Variants in CHRNA7 observed in about 807,000 individuals in gnomAD.
The protein encoded by CHRNA7 is cholinergic receptor nicotinic alpha 7 subunit, also known as neuronal acetylcholine receptor subunit alpha-7.
In CHRNA7, 17 loss-of-function variants were observed where a neutral mutation model predicts 48.0. The ratio of observed to expected loss-of-function variants is 0.35; its 90% CI spans 0.24 to 0.53. CHRNA7 has a LOEUF of 0.53. CHRNA7 is among the 20% of genes least tolerant of loss of function. CHRNA7 has a pLI of 0.92. For synonymous variants in CHRNA7, 75 were observed against 242.3 expected, an observed-to-expected ratio of 0.31 and a Z score of 6.41; for missense variants, 155 against 577.7, an observed-to-expected ratio of 0.27 and a Z score of 7.50.
At chr15:32,118,293 C>G (rs1246640533) in intron 4 of CHRNA7, among the ~76,000 whole-genome samples, 1 of 152,194 alleles carries the variant, frequency 6.6e-6, no homozygotes, top group Admixed American at 6.5e-5. Context: ...GAAATGAATT[C>G]TTTTCTTTAT....
intron 9 of CHRNA7, chr15:32,163,679 C>A (rs2051974447): frequency 1.4e-5 from 1 of 71,938 alleles, no homozygotes; most frequent in Admixed American, 1.2e-4. Flanking sequence ...ATGTCGAACT[C>A]CTGACCTCGT....
chr15:32,108,204 T>C (rs1044953271), intron 3 of CHRNA7, among the ~76,000 whole-genome samples: 11 of 152,082 alleles, frequency 7.2e-5, no homozygotes, highest in Admixed American at 1.3e-4. Flanking sequence ...CATGGAAGAA[T>C]TGGGATTCCC....
chr15:32,031,353 A>G (rs1901830739), intron 2 of CHRNA7, among the ~76,000 whole-genome samples: 4 of 152,238 alleles, frequency 2.6e-5, no homozygotes, highest in Admixed American at 2.6e-4. Context: ...CAGTAGCAAG[A>G]ACAGGTGAAG....
At chr15:32,078,350 C>A (rs187180880) in intron 2 of CHRNA7, among the ~76,000 whole-genome samples, 2 of 152,040 alleles carry the variant, frequency 1.3e-5, no homozygotes, top group African/African-American at 4.8e-5. Context: ...TATAGTTTTG[C>A]ATTTTACATT....
chr15:32,130,542 A>AT, intron 4 of CHRNA7, among the ~76,000 whole-genome samples: 1 of 150,164 alleles, frequency 6.7e-6, no homozygotes, highest in South Asian at 2.1e-4. Context: ...TGATATATAT[A>AT]TATTATATAT....
intron 4 of CHRNA7, chr15:32,112,205 A>G (rs2050773469): frequency 1.9e-6 from 1 of 523,418 alleles, no homozygotes; most frequent in Non-Finnish European, 3.7e-6. Context: ...GTATTCTTGC[A>G]TAAGGCAGTA....
intron 2 of CHRNA7, among the ~76,000 whole-genome samples, chr15:32,031,450 T>C (rs976161118): frequency 6.6e-6 from 1 of 152,218 alleles, no homozygotes; most frequent in Non-Finnish European, 1.5e-5. Flanking sequence ...TTCTGCCGCC[T>C]ATGGTATGTA....
chr15:32,038,393 C>T (rs150251390), intron 2 of CHRNA7, among the ~76,000 whole-genome samples: 1 of 137,922 alleles, frequency 7.3e-6, no homozygotes, highest in East Asian at 3.0e-4. Context: ...TTGATATAAT[C>T]ATATGATTTT....
chr15:32,141,431 T>C (rs1177476021), intron 4 of CHRNA7, among the ~76,000 whole-genome samples: 8 of 152,200 alleles, frequency 5.3e-5, no homozygotes, highest in Non-Finnish European at 1.0e-4. Context: ...ATATGAACTT[T>C]AAAGTAGTTT....
In CHRNA7 at chr15:32,047,959, A is replaced by G. The variant is rs556930615; in HGVS notation, c.195+16922A>G. Among the ~76,000 whole-genome samples, 126 of 152,256 alleles carry G rather than the reference A, an allele frequency of 8.3e-4. 2 individuals carry two copies. Among genetic ancestry groups the G allele is most frequent in the African/African-American group, 2.8e-3 (117 of 41,548 alleles). ...GGTTTTTGTCTTTGGTTCTGTTTAT[A>G]TGCTGGATTACATTTATTGATTTGC... is the stretch of plus-strand genomic sequence containing the variant. On this transcript the variant is annotated intron_variant, in intron 2 of 9. Coordinates refer to ENST00000306901, the MANE Select transcript of CHRNA7 (RefSeq NM_000746.6).
intron 4 of CHRNA7, among the ~76,000 whole-genome samples, chr15:32,123,281 G>A (rs540721851): frequency 1.3e-5 from 2 of 152,220 alleles, no homozygotes; most frequent in East Asian, 1.9e-4. Flanking sequence ...GATAAACCTC[G>A]TTAAATGCAC....
chr15:32,086,398 A>G lies in CHRNA7; in HGVS notation c.196-14905A>G, dbSNP rs891799023. On this transcript the variant is annotated intron_variant, in intron 2 of 9. Coordinates refer to ENST00000306901, the MANE Select transcript of CHRNA7 (RefSeq NM_000746.6). ...AAAAAAAAAAAAAAAAAAGATAAACACTTTTATTTTTCAAGTTTACTTTAA... is the reference window on the plus strand; with the variant it reads ...AAAAAAAAAAAAAAAAAAGATAAACGCTTTTATTTTTCAAGTTTACTTTAA... Among the ~76,000 whole-genome samples, 555 of 147,346 alleles carry G rather than the reference A, an allele frequency of 3.8e-3. 4 individuals carry two copies. Among genetic ancestry groups the G allele is most frequent in the African/African-American group, 0.013 (515 of 40,342 alleles).
At chr15:32,076,136 C>T (rs1299029651) in intron 2 of CHRNA7, among the ~76,000 whole-genome samples, 2 of 152,052 alleles carry the variant, frequency 1.3e-5, no homozygotes, top group African/African-American at 2.4e-5. Flanking sequence ...AGAGTATTTT[C>T]TGCTTTTGTT....
intron 2 of CHRNA7, among the ~76,000 whole-genome samples, chr15:32,040,414 T>G (rs2049426806): frequency 1.3e-5 from 2 of 152,046 alleles, no homozygotes; most frequent in Admixed American, 1.3e-4. Context: ...GTTCTTTTTT[T>G]ACTTTTTTAG....
intron 2 of CHRNA7, among the ~76,000 whole-genome samples, chr15:32,072,405 G>A (rs1016812915): frequency 2.6e-5 from 4 of 152,164 alleles, no homozygotes; most frequent in Non-Finnish European, 5.9e-5. Flanking sequence ...GCCTGGCTGT[G>A]TGAAAGAAAA....
At chr15:32,094,015 C>G (rs1295499128) in intron 2 of CHRNA7, among the ~76,000 whole-genome samples, 1 of 152,164 alleles carries the variant, frequency 6.6e-6, no homozygotes, top group African/African-American at 2.4e-5. Flanking sequence ...AGCAACATCT[C>G]CAATCTCAGG....
intron 3 of CHRNA7, among the ~76,000 whole-genome samples, chr15:32,106,763 G>A (rs1402940327): frequency 6.6e-6 from 1 of 152,180 alleles, no homozygotes; most frequent in Non-Finnish European, 1.5e-5. Flanking sequence ...GGCATTTGAT[G>A]TCCCAGCCTT....
chr15:32,078,789 T>C (rs2050172906), intron 2 of CHRNA7, among the ~76,000 whole-genome samples: 1 of 151,860 alleles, frequency 6.6e-6, no homozygotes, highest in South Asian at 2.1e-4. Context: ...GACTCCACCC[T>C]AACTCATTTC....
At chr15:32,086,367 C>CA (rs150673202) in intron 2 of CHRNA7, among the ~76,000 whole-genome samples, 6 of 74,034 alleles carry the variant, frequency 8.1e-5, no homozygotes, top group African/African-American at 2.0e-4. Flanking sequence ...GACTCCATCT[C>CA]AAAAAAAAAA....
Sources: allele counts gnomAD v4.1 joint callset (sites outside exome capture counted in the v4.1 genomes callset), GRCh38; gene constraint gnomAD v4.1.1; transcripts MANE v1.5; gene names NCBI Gene and HGNC (gene_info 2026-07-23, HGNC 2026-07-21).